Variants in FOCAD observed in about 807,000 individuals in gnomAD.
FOCAD encodes the protein focadhesin.
A neutral mutation model predicts 225.6 loss-of-function variants in FOCAD; 198 were observed. That is an observed-to-expected ratio of 0.88 (90% CI 0.78 to 0.99). The LOEUF (loss-of-function observed/expected upper bound fraction) is 0.99, where lower values mean the gene tolerates loss of function less well. FOCAD is among the 50% of genes least tolerant of loss of function. The pLI is 0.00. For missense variants in FOCAD, 2,713 were observed against 2,123.6 expected (o/e 1.28, Z -5.46); for synonymous variants, 897 against 755.0 (o/e 1.19, Z -3.08).
chr9:20,747,806 C>T (rs144720563), intron 5 of FOCAD, among the ~76,000 whole-genome samples: 34 of 141,920 alleles, frequency 2.4e-4, no homozygotes, highest in Admixed American at 4.4e-4. Flanking sequence ...ATGCTAAGAC[C>T]ATTTGCATTT....
chr9:20,771,341 T>C (rs891760109), intron 8 of FOCAD, among the ~76,000 whole-genome samples: 6 of 152,188 alleles, frequency 3.9e-5, no homozygotes, highest in African/African-American at 7.2e-5. Context: ...CATTTTTTAA[T>C]GTGTGGAAGA....
At chr9:20,816,541 CT>C (rs1179027454) in intron 11 of FOCAD, among the ~76,000 whole-genome samples, 1 of 151,760 alleles carries the variant, frequency 6.6e-6, no homozygotes, top group Non-Finnish European at 1.5e-5. Flanking sequence ...GCTCCACATG[CT>C]GCTGTGGTAT....
At chr9:20,729,977 A>G (rs899371342) in intron 4 of FOCAD, among the ~76,000 whole-genome samples, 1 of 152,170 alleles carries the variant, frequency 6.6e-6, no homozygotes, top group Non-Finnish European at 1.5e-5. Flanking sequence ...AGCAATAATA[A>G]TAGAAACAAC....
At chr9:20,994,045 A>G (rs1403136834) in intron 43 of FOCAD, among the ~76,000 whole-genome samples, 1 of 152,208 alleles carries the variant, frequency 6.6e-6, no homozygotes, top group African/African-American at 2.4e-5. Context: ...ACAATTGAAA[A>G]TACACATAGC....
At chr9:20,810,163 A>T (rs1822901250) in intron 11 of FOCAD, among the ~76,000 whole-genome samples, 1 of 152,178 alleles carries the variant, frequency 6.6e-6, no homozygotes, top group African/African-American at 2.4e-5. Flanking sequence ...GTCCTTTCCC[A>T]GTGAAGTCAC....
chr9:20,838,027 A>G lies in FOCAD; in HGVS notation c.1920+14912A>G, dbSNP rs1039627534. 7.9e-5 allele frequency among the ~76,000 whole-genome samples: 12 copies of G among 152,292 alleles called. 1 individual carries two copies. Among genetic ancestry groups the G allele is most frequent in the Admixed American group, 5.9e-4 (9 of 15,292 alleles). ...GACTGGTAAGTCTTTTCATAGTTAT[A>G]TAATTTATCAGAAAGCCTCACTAGC... On this transcript the variant is annotated intron_variant, in intron 15 of 43. Transcript: ENST00000338382.
intron 18 of FOCAD, among the ~76,000 whole-genome samples, chr9:20,868,182 A>C (rs957728952): frequency 6.6e-6 from 1 of 152,142 alleles, no homozygotes; most frequent in Non-Finnish European, 1.5e-5. Flanking sequence ...GGAAAGAAAA[A>C]GGAAAAAAGC....
intron 5 of FOCAD, among the ~76,000 whole-genome samples, chr9:20,745,772 T>C (rs912814233): frequency 6.6e-6 from 1 of 152,174 alleles, no homozygotes; most frequent in African/African-American, 2.4e-5. Flanking sequence ...AGGTTTGGTC[T>C]GGTAAACATG....
intron 15 of FOCAD, among the ~76,000 whole-genome samples, chr9:20,848,308 C>G (rs1398177599): frequency 6.6e-6 from 1 of 152,058 alleles, no homozygotes; most frequent in Non-Finnish European, 1.5e-5. Flanking sequence ...TTCTTGGTCT[C>G]TCTAAGCATG....
chr9:20,881,744 C>G, intron 19 of FOCAD, 127 bp from the exon 20 acceptor site: 1 of 875,500 alleles, frequency 1.1e-6, no homozygotes, highest in Non-Finnish European at 1.8e-6. Context: ...ATCAAGAGGT[C>G]TCTTTTTACC....
At chr9:20,958,769 T>A (rs1348388527) in intron 35 of FOCAD, among the ~76,000 whole-genome samples, 1 of 152,168 alleles carries the variant, frequency 6.6e-6, no homozygotes, top group East Asian at 1.9e-4. Context: ...TGCTTCCACA[T>A]ATGAGTGAGA....
At chr9:20,845,237 A>G (rs183657568) in intron 15 of FOCAD, among the ~76,000 whole-genome samples, 1 of 152,162 alleles carries the variant, frequency 6.6e-6, no homozygotes, top group African/African-American at 2.4e-5. Context: ...ATCAGAAAAT[A>G]TGGATTAGCA....
chr9:20,725,227 C>A (rs993009335), intron 4 of FOCAD, among the ~76,000 whole-genome samples: 10 of 152,324 alleles, frequency 6.6e-5, no homozygotes, highest in Admixed American at 2.0e-4. Flanking sequence ...TTGGGTGAGA[C>A]AGTTTGGGTC....
chr9:20,681,474 A>C (rs78709920), upstream of FOCAD, among the ~76,000 whole-genome samples: 1,604 of 152,344 alleles, frequency 0.011, 24 homozygotes, highest in African/African-American at 0.037. Context: ...TTTAAATTGA[A>C]TAAATTTATT....
At position 20,995,540 on chromosome 9, in the gene FOCAD, T is replaced by C. The variant is rs776916174; in HGVS notation, c.5333-16T>C. 1.2e-6 allele frequency: 2 copies of C among 1,608,632 alleles called. No homozygotes were observed. The highest frequency in any genetic ancestry group is 1.1e-5 in the South Asian group (1 of 90,980). The stretch of plus-strand genomic sequence containing the variant: ...ACCTTTTCAAATGCAGCCATACCTA[T>C]ATTTTGTCCCCTTAGCCACCCTGCT... On this transcript the variant is annotated splice_polypyrimidine_tract_variant and intron_variant, in intron 43 of 43. Coordinates refer to ENST00000338382, the MANE Select transcript of FOCAD (RefSeq NM_001375567.1).
chr9:20,690,308 T>G (rs1398580012), intron 1 of FOCAD, among the ~76,000 whole-genome samples: 3 of 152,200 alleles, frequency 2.0e-5, no homozygotes, highest in Non-Finnish European at 4.4e-5. Flanking sequence ...ACTGGATTAT[T>G]CCGTTCATTA....
At chr9:20,760,414 A>G (rs531637514) in intron 6 of FOCAD, among the ~76,000 whole-genome samples, 9 of 152,230 alleles carry the variant, frequency 5.9e-5, no homozygotes, top group Admixed American at 3.9e-4. Flanking sequence ...TGCAGTTCCA[A>G]TCTATCTCAC....
At chr9:20,890,719 C>A (rs1334193782) in intron 21 of FOCAD, among the ~76,000 whole-genome samples, 1 of 151,924 alleles carries the variant, frequency 6.6e-6, no homozygotes, top group Non-Finnish European at 1.5e-5. Context: ...TTTTTTATTT[C>A]CCGAAATAGT....
At chr9:20,773,461 A>G (rs1007679045) in intron 8 of FOCAD, among the ~76,000 whole-genome samples, 2 of 152,184 alleles carry the variant, frequency 1.3e-5, no homozygotes, top group African/African-American at 2.4e-5. Flanking sequence ...GATTTTTATC[A>G]TTTATTTTGC....
Sources: allele counts gnomAD v4.1 joint callset (sites outside exome capture counted in the v4.1 genomes callset), GRCh38; gene constraint gnomAD v4.1.1; transcripts MANE v1.5; gene names NCBI Gene and HGNC (gene_info 2026-07-23, HGNC 2026-07-21).